Variants in CREBBP observed in about 807,000 individuals in gnomAD.
The protein encoded by CREBBP is CREB binding lysine acetyltransferase, also known as CREB-binding protein.
In CREBBP, 19 loss-of-function variants were observed where a neutral mutation model predicts 265.0. The observed-to-expected ratio is 0.07, with a 90% CI of 0.05 to 0.11. CREBBP has a LOEUF of 0.11. Among genes scored for constraint, CREBBP ranks in the 10% least tolerant of loss-of-function variants. The pLI is 1.00. For synonymous variants in CREBBP, 1,457 were observed against 1,223.7 expected (o/e 1.19, Z -3.98); for missense variants, 2,525 against 3,219.0 (o/e 0.78, Z 5.22).
chr16:3,760,811 G>A (rs962631812), intron 16 of CREBBP, among the ~76,000 whole-genome samples: 2 of 151,712 alleles, frequency 1.3e-5, no homozygotes, highest in African/African-American at 4.8e-5. Flanking sequence ...GCAAACTCCT[G>A]GGCTCAAGTG....
intron 3 of CREBBP, among the ~76,000 whole-genome samples, chr16:3,809,992 T>C (rs889990480): frequency 3.3e-5 from 5 of 152,120 alleles, no homozygotes; most frequent in African/African-American, 1.2e-4. Flanking sequence ...CTCAGTGTTT[T>C]GAAATAAAAG....
Position 3,729,090 on chromosome 16 carries a change from G to C in CREBBP, c.5957C>G (p.Thr1986Arg), listed in dbSNP as rs759638164. 1.9e-6 allele frequency: 3 copies of C among 1,584,550 alleles called. No individual in the cohort carries two copies. Among genetic ancestry groups the C allele is most frequent in the East Asian group, 2.3e-5 (1 of 43,614 alleles). The change falls in exon 31 of 31, where the codon ACG (threonine) becomes AGG (arginine). Residue 1986 changes from threonine to arginine, a missense_variant. By Grantham distance (71) the Thr-to-Arg change is moderately conservative. Transcript: ENST00000262367. ...NINNSMPPGR[T>R]GMGTPGSQMA... ...CTGGCTCCCCGGGGTCCCCATGCCC[G>C]TGCGTCCTGGGGGCATGCTGTTGTT...
intron 21 of CREBBP, among the ~76,000 whole-genome samples, chr16:3,747,650 A>G (rs370605773): frequency 1.6e-4 from 24 of 152,306 alleles, no homozygotes; most frequent in African/African-American, 5.3e-4. Context: ...TGAATGTAAT[A>G]TATTTTGAAG....
At chr16:3,747,702 C>T (rs1480356680) in intron 21 of CREBBP, among the ~76,000 whole-genome samples, 1 of 152,218 alleles carries the variant, frequency 6.6e-6, no homozygotes. Flanking sequence ...GTGGCTCACG[C>T]CTGTAATCCC....
At chr16:3,822,787 A>G (rs140370722) in intron 2 of CREBBP, among the ~76,000 whole-genome samples, 262 of 152,350 alleles carry the variant, frequency 1.7e-3, no homozygotes, top group African/African-American at 5.9e-3. Flanking sequence ...ATAATTAGCA[A>G]AGTAAAGTGC....
At position 3,776,973 on chromosome 16, in the gene CREBBP, G is replaced by A. The variant is rs1366151466; in HGVS notation, c.2158+640C>T. On this transcript the variant is annotated intron_variant, in intron 11 of 30. Transcript: ENST00000262367. ...GCGGAGCTTGCAGTGAGCCCAGATC[G>A]TGCCACTGCACTCCAGCCTGGGCAA... Among the ~76,000 whole-genome samples, 8 of 151,594 alleles carry A rather than the reference G, an allele frequency of 5.3e-5. No homozygotes were observed. The South Asian group carries it at 1.2e-3, about 24-fold the overall frequency.
rs2052985278 is a variant in CREBBP at position 3,770,799 on chromosome 16, G to C, written c.2651C>G (p.Ala884Gly). Residue 884 changes from alanine to glycine, a missense_variant, in exon 14 of 31, where the codon GCT (alanine) becomes GGT (glycine). This residue lies in a region of CREBBP where 548 missense variants were observed against 533.0 expected (regional missense o/e 1.03). Transcript: ENST00000262367. ...PPGMTPPQPA[A>G]PTQPSTPVSS... ...CACAGGAGTTGATGGCTGAGTGGGAGCTGCTGGCTGGGGAGGAGTCATCCC... is the reference window on the plus strand; with the variant it reads ...CACAGGAGTTGATGGCTGAGTGGGACCTGCTGGCTGGGGAGGAGTCATCCC... The C allele has an allele frequency of 6.2e-7, 1 of 1,614,118 alleles. No individual in the cohort carries two copies. Among genetic ancestry groups the C allele is most frequent in the South Asian group, 1.1e-5 (1 of 91,080 alleles).
chr16:3,826,120 G>C (rs2054232006), intron 2 of CREBBP, among the ~76,000 whole-genome samples: 1 of 152,152 alleles, frequency 6.6e-6, no homozygotes, highest in African/African-American at 2.4e-5. Flanking sequence ...GGCTGGGGTA[G>C]GAGGACTGCT....
intron 2 of CREBBP, among the ~76,000 whole-genome samples, chr16:3,818,303 CTTTTTT>C (rs71133660): frequency 1.1e-4 from 12 of 106,450 alleles, no homozygotes; most frequent in Non-Finnish European, 2.3e-4. Flanking sequence ...GTTTTCTTTT[CTTTTTT>C]TTTTTTTTTT....
intron 1 of CREBBP, among the ~76,000 whole-genome samples, chr16:3,865,670 G>C (rs1567375030): frequency 1.3e-5 from 2 of 150,206 alleles, no homozygotes; most frequent in Non-Finnish European, 3.0e-5. Context: ...ATGGAGTCTT[G>C]ATCTGTCGCC....
chr16:3,738,667 A>G lies in CREBBP; in HGVS notation c.4286T>C (p.Val1429Ala). ...AATACTATCCAGATAAGAAATGTAC[A>G]CACGCCTGTGGGAAGGAGGCACATG... ...SDCPPPNTRR[V>A]YISYLDSIHF... Residue 1429 changes from valine to alanine, a missense_variant, in exon 26 of 31, where the codon GTG becomes GCG. Physicochemically the swap from Val to Ala is moderately conservative, Grantham distance 64 (BLOSUM62 0). This residue lies in a region of CREBBP where 252 missense variants were observed against 452.5 expected (regional missense o/e 0.56). Transcript: ENST00000262367. 6.2e-7 allele frequency: 1 copy of G among 1,609,210 alleles called. No individual in the cohort carries two copies. The highest frequency in any genetic ancestry group is 8.5e-7 in the Non-Finnish European group (1 of 1,175,888).
At chr16:3,744,221 G>A (rs1295116748) in intron 23 of CREBBP, among the ~76,000 whole-genome samples, 1 of 152,176 alleles carries the variant, frequency 6.6e-6, no homozygotes, top group African/African-American at 2.4e-5. Context: ...TCCTGGGGTG[G>A]TGGCTGGTTC....
chr16:3,802,451 G>T (rs2053736784), intron 3 of CREBBP, among the ~76,000 whole-genome samples: 1 of 151,948 alleles, frequency 6.6e-6, no homozygotes. Flanking sequence ...AATTTTAAAA[G>T]AATCTAACAT....
At chr16:3,824,210 A>G (rs1193579815) in intron 2 of CREBBP, among the ~76,000 whole-genome samples, 1 of 152,254 alleles carries the variant, frequency 6.6e-6, no homozygotes, top group Non-Finnish European at 1.5e-5. Context: ...GGGGGTCAAG[A>G]GCTGGGCCTG....
intron 3 of CREBBP, among the ~76,000 whole-genome samples, chr16:3,800,285 G>C (rs888508930): frequency 3.3e-5 from 5 of 152,086 alleles, no homozygotes; most frequent in African/African-American, 1.2e-4. Flanking sequence ...GCCCAGCTAA[G>C]TTTTAAAATT....
chr16:3,856,114 CA>C lies in CREBBP; in HGVS notation c.86-5106del, dbSNP rs1422935407. ...GGAAAAAAGAAAATATGTACCCCCC[CA>C]AATAACAACATTTTATTTTTTATTT... On this transcript the variant is annotated intron_variant, in intron 1 of 30. Transcript: ENST00000262367. Among the ~76,000 whole-genome samples, 3 of 152,276 alleles carry C rather than the reference CA, an allele frequency of 2.0e-5. No individual in the cohort carries two copies. The East Asian group carries it at 5.8e-4, about 29-fold the overall frequency.
In CREBBP at chr16:3,727,959, G is replaced by T. The variant is rs1266123570; in HGVS notation, c.7088C>A (p.Pro2363Gln). 1 of 1,607,528 alleles carries T rather than the reference G, an allele frequency of 6.2e-7. No individual in the cohort carries two copies. Among genetic ancestry groups the T allele is most frequent in the South Asian group, 1.1e-5 (1 of 90,464 alleles). The change falls in exon 31 of 31, where the codon CCG becomes CAG. Residue 2363 changes from proline (P) to glutamine (Q), a missense_variant. By Grantham distance (76) the Pro-to-Gln change is moderately conservative. Coordinates refer to ENST00000262367, the MANE Select transcript of CREBBP (RefSeq NM_004380.3). ...RPQSQPPHSS[P>Q]SPRIQPQPSP... The stretch of plus-strand genomic sequence containing the variant: ...AGGCTGGGGCTGTATCCGTGGTGAC[G>T]GGCTGGAATGTGGAGGCTGGGACTG...
chr16:3,851,970 G>A (rs567454795), intron 1 of CREBBP, among the ~76,000 whole-genome samples: 32 of 137,702 alleles, frequency 2.3e-4, no homozygotes, highest in Admixed American at 1.5e-3. Context: ...CCTGGGAGGC[G>A]GAGCTTGCAG....
In CREBBP at chr16:3,729,496, G is replaced by A. The variant is rs763253161; in HGVS notation, c.5551C>T (p.Arg1851Cys). 4 of 1,614,192 alleles carry A rather than the reference G, an allele frequency of 2.5e-6. No individual in the cohort carries two copies. The highest frequency in any genetic ancestry group is 2.5e-6 in the Non-Finnish European group (3 of 1,180,024). The change falls in exon 31 of 31, where the codon CGC becomes TGC. Residue 1851 changes from arginine (R) to cysteine (C), a missense_variant. Arg to Cys is a radical substitution (Grantham distance 180). This residue lies in a region of CREBBP where 53 missense variants were observed against 146.3 expected (regional missense o/e 0.36). Transcript: ENST00000262367. ...PFCLNIKHKL[R>C]QQQIQHRLQQ... is the part of the protein sequence containing the mutation. ...AGGCGGTGCTGGATCTGCTGCTGGC[G>A]GAGCTTGTGTTTGATGTTGAGGCAG...
Sources: allele counts gnomAD v4.1 joint callset (sites outside exome capture counted in the v4.1 genomes callset), GRCh38; gene constraint gnomAD v4.1.1; regional missense constraint gnomAD v4.1.1; transcripts MANE v1.5; gene names NCBI Gene and HGNC (gene_info 2026-07-23, HGNC 2026-07-21).